Variants in CCDC3 observed in about 807,000 individuals in gnomAD.
The protein encoded by CCDC3 is coiled-coil domain-containing protein 3.
A neutral mutation model predicts 21.4 loss-of-function variants in CCDC3; 24 were observed. That is an observed-to-expected ratio of 1.12 (90% CI 0.81 to 1.58). The LOEUF is 1.58. Ranked by LOEUF, CCDC3 falls within the 40% of genes most tolerant of loss-of-function variation. The pLI, the probability that CCDC3 is intolerant of heterozygous loss-of-function variation, is 0.00. For missense variants in CCDC3, 425 were observed against 360.9 expected, an observed-to-expected ratio of 1.18 and a Z score of -1.44; for synonymous variants, 186 against 166.0, an observed-to-expected ratio of 1.12 and a Z score of -0.93.
chr10:12,908,671 G>A (rs907358389), intron 2 of CCDC3, among the ~76,000 whole-genome samples: 4 of 150,266 alleles, frequency 2.7e-5, no homozygotes, highest in African/African-American at 4.9e-5. Flanking sequence ...GTGCAGAGGT[G>A]TGATCTCGGC....
At chr10:13,060,512 T>G (rs1429113409) in intron 4 of CCDC3, among the ~76,000 whole-genome samples, 1 of 152,098 alleles carries the variant, frequency 6.6e-6, no homozygotes, top group Non-Finnish European at 1.5e-5. Flanking sequence ...AAAGAGTATC[T>G]TTGTAAACAA....
At chr10:13,052,952 A>C (rs973589806) in intron 4 of CCDC3, among the ~76,000 whole-genome samples, 2 of 109,814 alleles carry the variant, frequency 1.8e-5, no homozygotes, top group Non-Finnish European at 3.8e-5. Context: ...ACACACACAC[A>C]CACACACACA....
intron 2 of CCDC3, among the ~76,000 whole-genome samples, chr10:12,955,910 G>A (rs1364997536): frequency 6.6e-6 from 1 of 152,068 alleles, no homozygotes; most frequent in Non-Finnish European, 1.5e-5. Context: ...GTTTCACCAT[G>A]TTGGCAAGGC....
intron 2 of CCDC3, among the ~76,000 whole-genome samples, chr10:12,996,284 GA>G (rs533259111): frequency 2.1e-4 from 32 of 152,322 alleles, no homozygotes; most frequent in African/African-American, 7.7e-4. Flanking sequence ...AACCATCAGG[GA>G]GGGGTTAGAA....
chr10:12,995,146 G>A (rs1173379734), intron 2 of CCDC3, among the ~76,000 whole-genome samples: 1 of 151,576 alleles, frequency 6.6e-6, no homozygotes, highest in Non-Finnish European at 1.5e-5. Flanking sequence ...AATCACTCCA[G>A]GGTATGTAAA....
chr10:13,072,082 T>C (rs1320460672), intron 4 of CCDC3, among the ~76,000 whole-genome samples: 1 of 152,130 alleles, frequency 6.6e-6, no homozygotes, highest in African/African-American at 2.4e-5. Context: ...TGGCCTCCCC[T>C]CCCACTTTGC....
intron 2 of CCDC3, among the ~76,000 whole-genome samples, chr10:12,946,512 T>C (rs1424513821): frequency 6.6e-6 from 1 of 152,098 alleles, no homozygotes; most frequent in Non-Finnish European, 1.5e-5. Context: ...ATAAGACAAA[T>C]GCCCAACTGT....
intron 5 of CCDC3, among the ~76,000 whole-genome samples, chr10:13,048,473 T>C (rs911546848): frequency 1.3e-5 from 2 of 152,176 alleles, no homozygotes; most frequent in Non-Finnish European, 2.9e-5. Flanking sequence ...ATTACAGGTG[T>C]GAGCCACTGC....
At chr10:12,900,521 A>G (rs1385603127) in intron 2 of CCDC3, among the ~76,000 whole-genome samples, 2 of 60,686 alleles carry the variant, frequency 3.3e-5, no homozygotes, top group Admixed American at 3.9e-4. Flanking sequence ...TACTAAAAAT[A>G]CAAAAAAAAA....
chr10:12,910,077 C>A (rs1428361662), intron 2 of CCDC3, among the ~76,000 whole-genome samples: 1 of 152,220 alleles, frequency 6.6e-6, no homozygotes, highest in South Asian at 2.1e-4. Flanking sequence ...GTCCACACAG[C>A]CACATCCAGG....
chr10:12,950,217 A>C (rs1361866811), intron 2 of CCDC3, among the ~76,000 whole-genome samples: 1 of 152,192 alleles, frequency 6.6e-6, no homozygotes, highest in Non-Finnish European at 1.5e-5. Context: ...TGCCCTGACT[A>C]ACCCAAGGCC....
intron 2 of CCDC3, among the ~76,000 whole-genome samples, chr10:12,951,523 T>C (rs1441740715): frequency 1.3e-5 from 2 of 152,054 alleles, no homozygotes; most frequent in African/African-American, 4.8e-5. Flanking sequence ...TTATGCAGTT[T>C]TGTGACACTC....
intron 5 of CCDC3, among the ~76,000 whole-genome samples, chr10:13,007,781 T>C (rs1047362281): frequency 6.6e-6 from 1 of 152,214 alleles, no homozygotes; most frequent in Non-Finnish European, 1.5e-5. Context: ...AAAAAATATT[T>C]TAAGTTATTC....
rs369245966 is a variant in CCDC3 at position 13,014,361 on chromosome 10, A to C, written c.-1-15849T>G. 1.3e-4 allele frequency among the ~76,000 whole-genome samples: 19 copies of C among 151,122 alleles called. 1 individual carries two copies. In the South Asian group the frequency reaches 4.0e-3, roughly 32 times the overall value. On this transcript the variant is annotated intron_variant, in intron 5 of 6. Coordinates refer to the CCDC3 transcript ENST00000378839. ...GCTACTTGGGAGGCTGAGGCAGGAGAATGGCGGGAACCCAGGAGTCGGAGC... is the reference window on the plus strand; with the variant it reads ...GCTACTTGGGAGGCTGAGGCAGGAGCATGGCGGGAACCCAGGAGTCGGAGC...
chr10:13,075,026 A>G (rs1836944782), intron 3 of CCDC3, among the ~76,000 whole-genome samples: 1 of 152,138 alleles, frequency 6.6e-6, no homozygotes, highest in South Asian at 2.1e-4. Flanking sequence ...GGACATGGAC[A>G]AACAATCGTA....
chr10:12,980,813 G>A (rs1456361141), intron 2 of CCDC3, among the ~76,000 whole-genome samples: 1 of 152,084 alleles, frequency 6.6e-6, no homozygotes, highest in African/African-American at 2.4e-5. Context: ...CACCGAGAGA[G>A]GATTCAATGA....
At chr10:12,996,582 C>A (rs1040868880) in intron 2 of CCDC3, among the ~76,000 whole-genome samples, 1 of 152,146 alleles carries the variant, frequency 6.6e-6, no homozygotes, top group South Asian at 2.1e-4. Context: ...GTGATCCCCC[C>A]ACCTCGGCCT....
At chr10:12,997,083 G>C (rs1835772710) in intron 2 of CCDC3, among the ~76,000 whole-genome samples, 2 of 151,926 alleles carry the variant, frequency 1.3e-5, no homozygotes, top group Non-Finnish European at 2.9e-5. Flanking sequence ...ATAAAAGTTG[G>C]AAGGAAAACA....
At chr10:13,036,339 T>C (rs545263418) in intron 5 of CCDC3, among the ~76,000 whole-genome samples, 16 of 152,326 alleles carry the variant, frequency 1.1e-4, no homozygotes, top group East Asian at 7.7e-4. Context: ...CCATGCTATA[T>C]ATTTTTTAAA....
Sources: gnomAD v4.1 joint callset for allele counts (sites outside exome capture counted in the v4.1 genomes callset) on GRCh38, gnomAD v4.1.1 for gene constraint, MANE v1.5 for transcripts, NCBI Gene and HGNC (gene_info 2026-07-23, HGNC 2026-07-21) for gene names.